Variants in USP34 observed in about 807,000 individuals in gnomAD.
USP34 encodes ubiquitin specific peptidase 34.
In USP34, 70 loss-of-function variants were observed where a neutral mutation model predicts 460.3. That is an observed-to-expected ratio of 0.15 (90% CI 0.13 to 0.19). USP34 has a LOEUF of 0.19. Among genes scored for constraint, USP34 ranks in the 10% least tolerant of loss-of-function variants. USP34 has a pLI of 1.00. For synonymous variants in USP34, 1,647 were observed against 1,405.3 expected, an observed-to-expected ratio of 1.17 and a Z score of -3.85; for missense variants, 3,985 against 4,236.2, an observed-to-expected ratio of 0.94 and a Z score of 1.65.
rs367927217 is a variant in USP34 at position 61,206,011 on chromosome 2, A to C, written c.9154+6T>G. ...TTTACACGGGTGAATTTTTCAAGTA[A>C]CTTACCTATACAGGCATTTCTAAGT... On this transcript the variant is annotated splice_donor_region_variant and intron_variant, in intron 72 of 79. Transcript: ENST00000398571. The C allele has an allele frequency of 3.1e-4, 501 of 1,603,368 alleles. No individual in the cohort carries two copies. Among genetic ancestry groups the C allele is most frequent in the Non-Finnish European group, 4.1e-4 (478 of 1,171,668 alleles).
At chr2:61,398,976 T>C (rs933827704) in intron 3 of USP34, among the ~76,000 whole-genome samples, 3 of 152,188 alleles carry the variant, frequency 2.0e-5, no homozygotes, top group Non-Finnish European at 2.9e-5. Flanking sequence ...TCCTGTGGTA[T>C]TGTTAAATAC....
chr2:61,325,289 A>G (rs922744730), intron 21 of USP34, 86 bp downstream of exon 21: 27 of 842,702 alleles, frequency 3.2e-5, no homozygotes, highest in Admixed American at 1.0e-4. Context: ...AAAAAAAAAA[A>G]AACTGCAGAA....
At chr2:61,272,247 T>C (rs1689237491) in intron 41 of USP34, among the ~76,000 whole-genome samples, 1 of 151,726 alleles carries the variant, frequency 6.6e-6, no homozygotes, top group African/African-American at 2.4e-5. Context: ...CTGTCTCTAC[T>C]AAAAATACAA....
intron 1 of USP34, among the ~76,000 whole-genome samples, chr2:61,441,420 G>C (rs1353614689): frequency 6.6e-6 from 1 of 152,076 alleles, no homozygotes; most frequent in Non-Finnish European, 1.5e-5. Context: ...TGGAGTCCCT[G>C]CCCTTCCTGA....
intron 15 of USP34, among the ~76,000 whole-genome samples, chr2:61,344,682 T>C (rs1246692914): frequency 6.6e-6 from 1 of 152,224 alleles, no homozygotes; most frequent in Non-Finnish European, 1.5e-5. Context: ...AGATTTGCAG[T>C]GTACCAAACT....
At chr2:61,363,920 G>A (rs1369699514) in intron 10 of USP34, among the ~76,000 whole-genome samples, 4 of 152,130 alleles carry the variant, frequency 2.6e-5, no homozygotes, top group African/African-American at 4.8e-5. Flanking sequence ...CTATCTGTAC[G>A]CAAAACATTT....
At chr2:61,195,366 T>TTA (rs1686767558) in intron 75 of USP34, among the ~76,000 whole-genome samples, 1 of 140,208 alleles carries the variant, frequency 7.1e-6, no homozygotes, top group African/African-American at 2.7e-5. Context: ...TTTTAAAGGT[T>TTA]AAAAAAAAAA....
Position 61,470,767 on chromosome 2 carries a change from A to T in USP34, c.-75T>A. The stretch of plus-strand genomic sequence containing the variant: ...TCCCGACCGGCGGGGGGGAGGGGAG[A>T]GAGGCGGAGGAGGGGGCCGGCCGGC... On this transcript the variant is annotated 5_prime_UTR_variant, in exon 1 of 80. Coordinates refer to ENST00000398571, the MANE Select transcript of USP34 (RefSeq NM_014709.4). 8.7e-7 allele frequency: 1 copy of T among 1,151,532 alleles called. No homozygotes were observed. The highest frequency in any genetic ancestry group is 1.2e-6 in the Non-Finnish European group (1 of 855,636). The allele number at this position is 1,151,532 out of a possible 1,614,324, so 71.3% of individuals were successfully genotyped here. A position where few individuals can be genotyped will look rare whatever the true frequency, so the allele number is the denominator to read the frequency against.
chr2:61,470,785 C>G lies in USP34; in HGVS notation c.-93G>C. 1 of 854,370 alleles carries G rather than the reference C, an allele frequency of 1.2e-6. No homozygotes were observed. The allele number at this position is 854,370 out of a possible 1,614,324, so 52.9% of individuals were successfully genotyped here. A position where few individuals can be genotyped will look rare whatever the true frequency, so the allele number is the denominator to read the frequency against. On this transcript the variant is annotated 5_prime_UTR_variant, in exon 1 of 80. Transcript: ENST00000398571. The stretch of plus-strand genomic sequence containing the variant: ...AGGGGAGAGAGGCGGAGGAGGGGGC[C>G]GGCCGGCCGGCGGGGCGGGGAGGCG...
chr2:61,373,554 G>A, intron 8 of USP34, among the ~76,000 whole-genome samples: 1 of 151,698 alleles, frequency 6.6e-6, no homozygotes, highest in South Asian at 2.1e-4. Context: ...AGAGACAAAG[G>A]ACATTTAAAA....
intron 5 of USP34, among the ~76,000 whole-genome samples, chr2:61,387,752 T>C (rs1010434699): frequency 1.4e-5 from 2 of 147,800 alleles, no homozygotes; most frequent in Non-Finnish European, 3.0e-5. Flanking sequence ...TATTTTTACG[T>C]ATACACACAT....
intron 79 of USP34, 52 bp from the exon 80 acceptor site, chr2:61,188,761 C>T (rs771390663): frequency 2.3e-5 from 36 of 1,583,960 alleles, no homozygotes; most frequent in Admixed American, 1.1e-4. Context: ...ATTAAGATCA[C>T]GTTAGGGGGG....
chr2:61,425,903 G>T (rs371662896), intron 1 of USP34, among the ~76,000 whole-genome samples: 11 of 151,926 alleles, frequency 7.2e-5, no homozygotes, highest in Middle Eastern at 3.4e-3. Context: ...AAGGAAGAGT[G>T]GGGGGGACTC....
At chr2:61,291,213 T>C (rs1488007989) in intron 33 of USP34, among the ~76,000 whole-genome samples, 2 of 152,126 alleles carry the variant, frequency 1.3e-5, no homozygotes, top group Non-Finnish European at 2.9e-5. Context: ...TCAACCTCAT[T>C]AGTCACCAAG....
At chr2:61,319,635 G>A (rs545800900) in intron 21 of USP34, among the ~76,000 whole-genome samples, 2 of 151,618 alleles carry the variant, frequency 1.3e-5, no homozygotes, top group African/African-American at 4.8e-5. Flanking sequence ...GCCTGAGCTT[G>A]GGAGATCCAG....
At chr2:61,338,490 T>C (rs920352757) in intron 18 of USP34, among the ~76,000 whole-genome samples, 6 of 152,134 alleles carry the variant, frequency 3.9e-5, no homozygotes, top group African/African-American at 1.4e-4. Context: ...ACTTTTAAAA[T>C]TCAATAGGGG....
At chr2:61,283,970 G>C (rs1488346354) in intron 35 of USP34, among the ~76,000 whole-genome samples, 1 of 152,062 alleles carries the variant, frequency 6.6e-6, no homozygotes, top group Non-Finnish European at 1.5e-5. Context: ...AAGTCAAAGG[G>C]TATGAAGTTC....
At chr2:61,445,492 G>A (rs980331912) in intron 1 of USP34, among the ~76,000 whole-genome samples, 12 of 145,382 alleles carry the variant, frequency 8.3e-5, no homozygotes, top group African/African-American at 1.5e-4. Flanking sequence ...CCGAGATTGC[G>A]CCACTGCACT....
intron 75 of USP34, 54 bp from the exon 76 acceptor site, chr2:61,193,034 G>T: frequency 7.3e-7 from 1 of 1,376,062 alleles, no homozygotes; most frequent in South Asian, 1.2e-5. Context: ...ATACTAGTGA[G>T]ATACTCAACT....
Sources: gnomAD v4.1 joint callset for allele counts (sites outside exome capture counted in the v4.1 genomes callset) on GRCh38, gnomAD v4.1.1 for gene constraint, MANE v1.5 for transcripts, NCBI Gene and HGNC (gene_info 2026-07-23, HGNC 2026-07-21) for gene names.